The following LRP1B variants were observed in gnomAD, a reference collection of about 807,000 sequenced individuals.
LRP1B encodes LDL receptor related protein 1B.
In LRP1B, 217 loss-of-function variants were observed where a neutral mutation model predicts 556.6. The ratio of observed to expected loss-of-function variants is 0.39; its 90% CI spans 0.35 to 0.44. The LOEUF (loss-of-function observed/expected upper bound fraction) is 0.44, where lower values mean the gene tolerates loss of function less well. Among genes scored for constraint, LRP1B ranks in the 20% least tolerant of loss-of-function variants. The pLI is 1.00. For synonymous variants in LRP1B, 2,047 were observed against 1,865.8 expected, an observed-to-expected ratio of 1.10 and a Z score of -2.50; for missense variants, 5,053 against 5,620.8, an observed-to-expected ratio of 0.90 and a Z score of 3.23.
chr2:141,382,236 T>C (rs1305352024), intron 3 of LRP1B, among the ~76,000 whole-genome samples: 3 of 152,118 alleles, frequency 2.0e-5, no homozygotes, highest in Non-Finnish European at 4.4e-5. Flanking sequence ...CCCCTTCAAC[T>C]GAGGTCCCAG....
intron 2 of LRP1B, among the ~76,000 whole-genome samples, chr2:141,546,950 C>G (rs1685577668): frequency 6.6e-6 from 1 of 152,118 alleles, no homozygotes; most frequent in South Asian, 2.1e-4. Context: ...ATCCTGCTTT[C>G]TTCTTTACTT....
chr2:140,933,945 C>T (rs1037256718), intron 20 of LRP1B, among the ~76,000 whole-genome samples: 3 of 127,624 alleles, frequency 2.4e-5, no homozygotes, highest in East Asian at 4.8e-4. Flanking sequence ...ACCTTTAAAG[C>T]GTTATTTTGT....
chr2:141,950,187 A>C (rs1237391789), intron 1 of LRP1B, among the ~76,000 whole-genome samples: 1 of 152,176 alleles, frequency 6.6e-6, no homozygotes, highest in Non-Finnish European at 1.5e-5. Flanking sequence ...GATAGGCTTT[A>C]AAATGTTAAA....
chr2:141,327,056 A>G (rs531764794), intron 3 of LRP1B, among the ~76,000 whole-genome samples: 12 of 152,256 alleles, frequency 7.9e-5, no homozygotes, highest in Non-Finnish European at 1.8e-4. Flanking sequence ...GATGAAATTC[A>G]CAGGGCTTAG....
chr2:140,568,383 CA>C (rs1195820666), intron 43 of LRP1B, among the ~76,000 whole-genome samples: 1 of 150,866 alleles, frequency 6.6e-6, no homozygotes, highest in Non-Finnish European at 1.5e-5. Flanking sequence ...CTAGATCAAG[CA>C]GAATAAAGAA....
intron 7 of LRP1B, among the ~76,000 whole-genome samples, chr2:141,166,923 G>GTAT (rs1680291693): frequency 1.3e-5 from 2 of 151,972 alleles, no homozygotes; most frequent in Non-Finnish European, 2.9e-5. Context: ...ACAGTGCAGA[G>GTAT]TATTAGCAAA....
intron 43 of LRP1B, among the ~76,000 whole-genome samples, chr2:140,575,475 G>A (rs577208986): frequency 6.6e-6 from 1 of 151,954 alleles, no homozygotes; most frequent in Non-Finnish European, 1.5e-5. Context: ...AGAGTTAATG[G>A]CATTTTTGTT....
chr2:140,390,568 A>T (rs192344143), intron 66 of LRP1B, among the ~76,000 whole-genome samples: 6 of 82,396 alleles, frequency 7.3e-5, no homozygotes, highest in African/African-American at 1.4e-4. Context: ...ACAGTAAAAT[A>T]AAAAAATGAT....
chr2:141,885,359 T>C (rs1272661362), intron 1 of LRP1B, among the ~76,000 whole-genome samples: 1 of 152,128 alleles, frequency 6.6e-6, no homozygotes, highest in African/African-American at 2.4e-5. Context: ...TTGCTGAAAT[T>C]AAGAAGTGTT....
At chr2:140,933,482 G>A (rs1480906560) in intron 20 of LRP1B, among the ~76,000 whole-genome samples, 1 of 151,910 alleles carries the variant, frequency 6.6e-6, no homozygotes, top group Non-Finnish European at 1.5e-5. Context: ...ATCATAACTT[G>A]AGAATAGGGA....
intron 2 of LRP1B, among the ~76,000 whole-genome samples, chr2:141,735,110 C>T (rs1693414594): frequency 6.6e-6 from 1 of 151,466 alleles, no homozygotes; most frequent in South Asian, 2.1e-4. Flanking sequence ...ATCATTTTCT[C>T]CCCTATGCTT....
At chr2:141,993,607 A>G (rs1702404308) in intron 1 of LRP1B, among the ~76,000 whole-genome samples, 1 of 151,868 alleles carries the variant, frequency 6.6e-6, no homozygotes, top group African/African-American at 2.4e-5. Flanking sequence ...TTATTATCCT[A>G]TTTTCTTTAT....
intron 41 of LRP1B, among the ~76,000 whole-genome samples, chr2:140,652,483 G>A (rs1352879341): frequency 1.3e-5 from 2 of 151,876 alleles, no homozygotes; most frequent in Admixed American, 6.6e-5. Flanking sequence ...GACATATTCT[G>A]GATATTTTTA....
At chr2:140,492,908 G>T (rs1688762246) in intron 56 of LRP1B, among the ~76,000 whole-genome samples, 1 of 152,142 alleles carries the variant, frequency 6.6e-6, no homozygotes, top group African/African-American at 2.4e-5. Flanking sequence ...AAAATTCTAA[G>T]TGCATCCCTT....
At chr2:141,807,935 G>A (rs950693128) in intron 2 of LRP1B, among the ~76,000 whole-genome samples, 1 of 152,052 alleles carries the variant, frequency 6.6e-6, no homozygotes, top group Admixed American at 6.6e-5. Context: ...GACATAGGAG[G>A]ATGGCAGAAT....
chr2:141,660,952 C>T (rs1017268003), intron 2 of LRP1B, among the ~76,000 whole-genome samples: 100 of 152,032 alleles, frequency 6.6e-4, no homozygotes, highest in Non-Finnish European at 1.8e-4. Context: ...GTACAAGCTC[C>T]CAGAGGAAGA....
At chr2:141,364,202 C>T (rs1688935078) in intron 3 of LRP1B, among the ~76,000 whole-genome samples, 1 of 151,802 alleles carries the variant, frequency 6.6e-6, no homozygotes, top group African/African-American at 2.4e-5. Flanking sequence ...TCTCTACTCA[C>T]TTTTGTAAAG....
At chr2:141,027,870 G>A (rs941637550) in intron 11 of LRP1B, among the ~76,000 whole-genome samples, 17 of 152,104 alleles carry the variant, frequency 1.1e-4, no homozygotes, top group African/African-American at 4.1e-4. Context: ...TGAGGATACA[G>A]TGAGAAGTCA....
chr2:140,946,943 G>C (rs945224303), intron 20 of LRP1B, among the ~76,000 whole-genome samples: 3 of 152,110 alleles, frequency 2.0e-5, no homozygotes, highest in Admixed American at 6.5e-5. Context: ...TATATTAGAT[G>C]TTCTTACTTG....
Sources: allele counts gnomAD v4.1 joint callset (sites outside exome capture counted in the v4.1 genomes callset), GRCh38; gene constraint gnomAD v4.1.1; transcripts MANE v1.5; gene names NCBI Gene and HGNC (gene_info 2026-07-23, HGNC 2026-07-21).